Variants in HSPA14 observed in about 807,000 individuals in gnomAD.
The protein encoded by HSPA14 is heat shock protein family A (Hsp70) member 14.
A neutral mutation model predicts 65.5 loss-of-function variants in HSPA14; 37 were observed. That is an observed-to-expected ratio of 0.56 (90% CI 0.43 to 0.74). HSPA14 has a LOEUF of 0.74. Among genes scored for constraint, HSPA14 ranks in the 30% least tolerant of loss-of-function variants. HSPA14 has a pLI of 0.00. For missense variants in HSPA14, 564 were observed against 607.6 expected, an observed-to-expected ratio of 0.93 and a Z score of 0.75; for synonymous variants, 203 against 214.2, an observed-to-expected ratio of 0.95 and a Z score of 0.46.
intron 3 of HSPA14, chr10:14,843,478 CCCAGCCCCTGCA>C: frequency 6.4e-7 from 1 of 1,550,560 alleles, no homozygotes; most frequent in South Asian, 1.2e-5. Context: ...GTCCGGGGAG[CCCAGCCCCTGCA>C]CCAGCACCAA....
intron 3 of HSPA14, among the ~76,000 whole-genome samples, chr10:14,841,880 A>G (rs912102497): frequency 6.6e-6 from 1 of 152,122 alleles, no homozygotes; most frequent in African/African-American, 2.4e-5. Context: ...CAGCCCATCT[A>G]CTCACCAGAC....
At chr10:14,848,533 A>G in intron 3 of HSPA14, 76 bp from the exon 4 acceptor site, 2 of 1,027,406 alleles carry the variant, frequency 1.9e-6, no homozygotes, top group Non-Finnish European at 1.5e-6. Flanking sequence ...ATTGTGAAAT[A>G]CAGTCTTCTC....
chr10:14,865,404 A>C (rs1172674803), intron 10 of HSPA14, among the ~76,000 whole-genome samples: 6 of 151,930 alleles, frequency 3.9e-5, no homozygotes, highest in Non-Finnish European at 5.9e-5. Context: ...GCCCATGCCT[A>C]TGTCCTGAAT....
intron 11 of HSPA14, 63 bp downstream of exon 11, chr10:14,867,358 T>C (rs1832816231): frequency 2.6e-6 from 3 of 1,162,424 alleles, no homozygotes; most frequent in African/African-American, 1.5e-5. Context: ...TACATAAAAA[T>C]AGTAAATTAA....
At chr10:14,847,281 A>C (rs899003208) in intron 3 of HSPA14, among the ~76,000 whole-genome samples, 3 of 152,202 alleles carry the variant, frequency 2.0e-5, no homozygotes, top group African/African-American at 7.2e-5. Flanking sequence ...GTTCTGGTTG[A>C]CTTAAATTCT....
chr10:14,861,224 A>G, intron 10 of HSPA14, among the ~76,000 whole-genome samples: 1 of 152,156 alleles, frequency 6.6e-6, no homozygotes, highest in East Asian at 1.9e-4. Flanking sequence ...CAATAGGAAA[A>G]TGGGGTGGTT....
At chr10:14,865,984 A>C (rs1427858090) in intron 10 of HSPA14, among the ~76,000 whole-genome samples, 1 of 152,034 alleles carries the variant, frequency 6.6e-6, no homozygotes, top group African/African-American at 2.4e-5. Context: ...ATCCTCTTTT[A>C]TTTTGTTGAG....
chr10:14,849,591 G>A (rs1277003769), intron 5 of HSPA14, 130 bp from the exon 6 acceptor site: 2 of 743,522 alleles, frequency 2.7e-6, no homozygotes, highest in South Asian at 1.5e-5. Context: ...ATTGACACGG[G>A]GGCGGGGTGG....
rs773722919 is a variant in HSPA14, at chr10:14,848,908, A to T, written c.376+13A>T. On this transcript the variant is annotated intron_variant, in intron 5 of 13. Transcript: ENST00000378372. ...AGTAAAATGAAAGGTATTTAGCAAA[A>T]GATATATAATAGTTACCTTTAATGA... 1.5e-6 allele frequency: 2 copies of T among 1,295,716 alleles called. No homozygotes were observed. The highest frequency in any genetic ancestry group is 3.0e-5 in the African/African-American group (2 of 67,286). The allele number at this position is 1,295,716 out of a possible 1,614,324, so 80.3% of individuals were successfully genotyped here. A position where few individuals can be genotyped will look rare whatever the true frequency, so the allele number is the denominator to read the frequency against.
chr10:14,865,544 T>A (rs1390286874), intron 10 of HSPA14, among the ~76,000 whole-genome samples: 1 of 152,274 alleles, frequency 6.6e-6, no homozygotes, highest in Admixed American at 6.5e-5. Flanking sequence ...TACCTATGGC[T>A]AGCCAAGTTT....
intron 1 of HSPA14, among the ~76,000 whole-genome samples, chr10:14,839,489 C>T (rs574428760): frequency 1.3e-4 from 19 of 151,460 alleles, no homozygotes; most frequent in South Asian, 6.3e-4. Flanking sequence ...GGCTTGAACC[C>T]GGGAGGCGGA....
intron 7 of HSPA14, among the ~76,000 whole-genome samples, chr10:14,851,711 G>A (rs755468694): frequency 6.6e-6 from 1 of 152,190 alleles, no homozygotes; most frequent in Non-Finnish European, 1.5e-5. Context: ...TTAGCATGAG[G>A]TTTTGAGACT....
At chr10:14,854,926 G>C (rs1332402835) in intron 9 of HSPA14, among the ~76,000 whole-genome samples, 1 of 152,182 alleles carries the variant, frequency 6.6e-6, no homozygotes, top group African/African-American at 2.4e-5. Flanking sequence ...CTAGTGACTG[G>C]TAGAAAGTCC....
chr10:14,866,050 C>A (rs1832803943), intron 10 of HSPA14, among the ~76,000 whole-genome samples: 1 of 152,072 alleles, frequency 6.6e-6, no homozygotes, highest in Non-Finnish European at 1.5e-5. Context: ...AAGTTGGATT[C>A]CTAGGTATAC....
chr10:14,839,812 C>T, intron 1 of HSPA14, 93 bp from the exon 2 acceptor site: 1 of 825,312 alleles, frequency 1.2e-6, no homozygotes, highest in East Asian at 2.8e-5. Flanking sequence ...AGCAGTTTTT[C>T]TTTCCACACA....
At chr10:14,848,767 C>A in intron 4 of HSPA14, 23 bp from the exon 5 acceptor site, 1 of 1,444,094 alleles carries the variant, frequency 6.9e-7, no homozygotes, top group Non-Finnish European at 9.6e-7. Context: ...ATTTATTTAG[C>A]ATAATTGTAA....
intron 3 of HSPA14, chr10:14,843,643 A>T: frequency 6.5e-7 from 1 of 1,550,136 alleles, no homozygotes; most frequent in Non-Finnish European, 8.7e-7. Context: ...AGTGGCCAGG[A>T]CTATCGCAGC....
At chr10:14,859,214 T>C (rs1832732071) in intron 10 of HSPA14, among the ~76,000 whole-genome samples, 1 of 152,036 alleles carries the variant, frequency 6.6e-6, no homozygotes, top group Admixed American at 6.6e-5. Context: ...TGGGAGAAGG[T>C]GCAGGTGGCC....
intron 3 of HSPA14, chr10:14,846,490 AAGG>A (rs1834055167): frequency 1.0e-6 from 1 of 985,258 alleles, no homozygotes. Context: ...TAAAAATATT[AAGG>A]GGAGGGAAAT....
Sources: allele counts gnomAD v4.1 joint callset (sites outside exome capture counted in the v4.1 genomes callset), GRCh38; gene constraint gnomAD v4.1.1; transcripts MANE v1.5; gene names NCBI Gene and HGNC (gene_info 2026-07-23, HGNC 2026-07-21).